The following DLGAP1 variants were observed in gnomAD, a reference collection of about 807,000 sequenced individuals.
DLGAP1 encodes DLG associated protein 1, also known as disks large-associated protein 1.
DLGAP1 carries 11 observed loss-of-function variants against 90.8 expected under a neutral mutation model. The observed-to-expected ratio is 0.12, with a 90% CI of 0.08 to 0.20. DLGAP1 has a LOEUF of 0.20. Ranked by LOEUF, DLGAP1 falls within the 10% of genes least tolerant of loss-of-function variation. DLGAP1 has a pLI of 1.00. For synonymous variants in DLGAP1, 558 were observed against 540.7 expected, an observed-to-expected ratio of 1.03 and a Z score of -0.44; for missense variants, 1,050 against 1,333.8, an observed-to-expected ratio of 0.79 and a Z score of 3.31.
intron 7 of DLGAP1, among the ~76,000 whole-genome samples, chr18:3,609,305 C>T (rs532245191): frequency 6.6e-6 from 1 of 152,334 alleles, no homozygotes; most frequent in East Asian, 1.9e-4. Flanking sequence ...CCTTGGCCTC[C>T]CAAAGTACTG....
chr18:3,893,147 T>C (rs1303262673), intron 3 of DLGAP1, among the ~76,000 whole-genome samples: 1 of 152,000 alleles, frequency 6.6e-6, no homozygotes. Flanking sequence ...GAACATGTGG[T>C]ATTTAACTTT....
chr18:3,619,612 C>G (rs2058020033), intron 7 of DLGAP1, among the ~76,000 whole-genome samples: 1 of 152,144 alleles, frequency 6.6e-6, no homozygotes, highest in Admixed American at 6.5e-5. Flanking sequence ...TTCTTCCAGT[C>G]TCTTTGACTT....
rs551921907 is a variant in DLGAP1, at chr18:3,972,609, G to C, written c.-73+32507C>G. Among the ~76,000 whole-genome samples the C allele has an allele frequency of 2.6e-4, 40 of 152,174 alleles. No individual in the cohort carries two copies. The South Asian group carries it at 7.3e-3, about 28-fold the overall frequency. ...TGGGAACCTGATTATTAAGTGACTA[G>C]ATTCAGTCCCTGGCATCCGATAGTC... On this transcript the variant is annotated intron_variant, in intron 3 of 12. Coordinates refer to ENST00000315677, the MANE Select transcript of DLGAP1 (RefSeq NM_004746.4).
intron 4 of DLGAP1, among the ~76,000 whole-genome samples, chr18:3,849,740 G>A (rs777333496): frequency 1.6e-4 from 25 of 152,268 alleles, no homozygotes; most frequent in Middle Eastern, 6.8e-3. Flanking sequence ...CAATGGGAGC[G>A]CAAGAGCAGC....
At chr18:3,903,183 G>A (rs1348360114) in intron 3 of DLGAP1, among the ~76,000 whole-genome samples, 12 of 129,948 alleles carry the variant, frequency 9.2e-5, no homozygotes. Flanking sequence ...GATATTTGGG[G>A]ATGTACTGAG....
intron 4 of DLGAP1, among the ~76,000 whole-genome samples, chr18:3,827,256 G>C (rs868783919): frequency 2.0e-5 from 3 of 152,220 alleles, no homozygotes; most frequent in Middle Eastern, 6.8e-3. Flanking sequence ...GTTGGTAGAA[G>C]AGAGAAATGG....
At chr18:3,597,008 A>G (rs766432381) in intron 7 of DLGAP1, 5 of 520,032 alleles carry the variant, frequency 9.6e-6, no homozygotes, top group Non-Finnish European at 1.9e-5. Context: ...GGCTCTCGGC[A>G]AAGGACCGTG....
At chr18:3,983,876 C>T (rs985760617) in intron 3 of DLGAP1, 2 of 152,108 alleles carry the variant, frequency 1.3e-5, no homozygotes, top group African/African-American at 2.4e-5. Context: ...AGACAACACC[C>T]CTATAATGAC....
chr18:3,638,894 T>A (rs1217988944), intron 7 of DLGAP1, among the ~76,000 whole-genome samples: 2 of 152,246 alleles, frequency 1.3e-5, no homozygotes, highest in African/African-American at 2.4e-5. Flanking sequence ...CATTGGCTTA[T>A]GGCATCAAAG....
At chr18:4,269,508 C>T (rs1318642065) in intron 1 of DLGAP1, among the ~76,000 whole-genome samples, 1 of 151,746 alleles carries the variant, frequency 6.6e-6, no homozygotes, top group African/African-American at 2.4e-5. Flanking sequence ...AGCCCACCAC[C>T]ATGCGCGGCT....
At chr18:3,785,743 A>T (rs1431264033) in intron 5 of DLGAP1, among the ~76,000 whole-genome samples, 1 of 152,190 alleles carries the variant, frequency 6.6e-6, no homozygotes, top group Non-Finnish European at 1.5e-5. Context: ...GGGAGGTGGA[A>T]GGCAACTGTG....
chr18:4,011,837 C>T (rs947384756), intron 2 of DLGAP1, among the ~76,000 whole-genome samples: 5 of 151,712 alleles, frequency 3.3e-5, no homozygotes, highest in Middle Eastern at 3.4e-3. Context: ...CTGTCTCAAA[C>T]GACAACAACA....
At chr18:4,185,142 TGAGTGAA>T (rs1174704480) in intron 1 of DLGAP1, among the ~76,000 whole-genome samples, 20 of 152,144 alleles carry the variant, frequency 1.3e-4, no homozygotes, top group Non-Finnish European at 2.2e-4. Context: ...GCAAAAGGTG[TGAGTGAA>T]TGCTCCTTTT....
intron 1 of DLGAP1, among the ~76,000 whole-genome samples, chr18:4,414,737 G>A (rs1300793181): frequency 8.1e-6 from 1 of 123,480 alleles, no homozygotes. Context: ...AAAAAAAAAA[G>A]AATCATGATA....
At chr18:3,864,609 A>G (rs927001378) in intron 4 of DLGAP1, among the ~76,000 whole-genome samples, 1 of 152,236 alleles carries the variant, frequency 6.6e-6, no homozygotes, top group Non-Finnish European at 1.5e-5. Context: ...CCAGCTAAGA[A>G]GAAGGATTAT....
chr18:3,574,769 A>T (rs1195536718), intron 8 of DLGAP1, among the ~76,000 whole-genome samples: 2 of 150,450 alleles, frequency 1.3e-5, no homozygotes, highest in Non-Finnish European at 3.0e-5. Context: ...TGAATCCAAG[A>T]TAATGTGCCT....
intron 7 of DLGAP1, among the ~76,000 whole-genome samples, chr18:3,659,987 G>A (rs931914522): frequency 6.6e-6 from 1 of 152,082 alleles, no homozygotes; most frequent in Non-Finnish European, 1.5e-5. Context: ...TGGTGTACTT[G>A]CGGCTCGCTC....
chr18:3,823,104 C>A (rs1435291941), intron 4 of DLGAP1, among the ~76,000 whole-genome samples: 1 of 152,158 alleles, frequency 6.6e-6, no homozygotes, highest in Non-Finnish European at 1.5e-5. Context: ...TTCTTGTAGC[C>A]AAGCCTCCTG....
At chr18:3,719,617 A>G (rs966778096) in intron 7 of DLGAP1, among the ~76,000 whole-genome samples, 1 of 151,828 alleles carries the variant, frequency 6.6e-6, no homozygotes, top group African/African-American at 2.4e-5. Context: ...AACAATGTCA[A>G]TGTCTTGGTT....
Sources: gnomAD v4.1 joint callset for allele counts (sites outside exome capture counted in the v4.1 genomes callset) on GRCh38, gnomAD v4.1.1 for gene constraint, MANE v1.5 for transcripts, NCBI Gene and HGNC (gene_info 2026-07-23, HGNC 2026-07-21) for gene names.